The following MRPL34 variants were observed in gnomAD, a reference collection of about 807,000 sequenced individuals.
The protein encoded by MRPL34 is large ribosomal subunit protein bL34m.
MRPL34 carries 8 observed loss-of-function variants against 6.7 expected under a neutral mutation model. The observed-to-expected ratio is 1.20, with a 90% CI of 0.70 to 2.16. The LOEUF (loss-of-function observed/expected upper bound fraction) is 2.16, where lower values mean the gene tolerates loss of function less well. Among genes scored for constraint, MRPL34 ranks in the 30% most tolerant of loss-of-function variants. The probability of loss-of-function intolerance (pLI) is 0.00; values close to 1 mark genes in which losing one functional copy is unlikely to be tolerated. For missense variants in MRPL34, 146 were observed against 125.5 expected (o/e 1.16, Z -0.78); for synonymous variants, 59 against 55.1 (o/e 1.07, Z -0.31).
chr19:17,292,650 C>G (rs1460596462), exon 1 of MRPL34: 1 of 1,602,662 alleles, frequency 6.2e-7, no homozygotes, highest in Non-Finnish European at 8.5e-7. Flanking sequence ...GATGCCCCGC[C>G]GGCCCAGCGG....
chr19:17,294,491 G>A (rs746055933), intron 1 of MRPL34: 3 of 1,613,940 alleles, frequency 1.9e-6, no homozygotes, highest in Admixed American at 1.7e-5. Context: ...GCTCCTTGGC[G>A]GGCGAAGCCG....
upstream of MRPL34, chr19:17,301,698 G>A (rs141225960): frequency 9.3e-4 from 1,323 of 1,427,308 alleles, 7 homozygotes; most frequent in African/African-American, 0.013. Flanking sequence ...GGCACTCCCT[G>A]AGCCTTGGGA....
chr19:17,295,359 G>T (rs1308011172), intron 1 of MRPL34, among the ~76,000 whole-genome samples: 1 of 151,948 alleles, frequency 6.6e-6, no homozygotes, highest in African/African-American at 2.4e-5. Flanking sequence ...CATCCGCCTC[G>T]GCCTCCCAAA....
upstream of MRPL34, among the ~76,000 whole-genome samples, chr19:17,304,508 G>A (rs2074136807): frequency 1.3e-5 from 2 of 152,216 alleles, no homozygotes; most frequent in Non-Finnish European, 2.9e-5. Flanking sequence ...TTCGGAGGAC[G>A]AGGGGTTAAA....
chr19:17,305,758 T>G (rs573193044), upstream of MRPL34: 43 of 917,820 alleles, frequency 4.7e-5, 1 homozygote, highest in South Asian at 2.3e-4. Context: ...GAACTACAAC[T>G]TCAGGGTTTT....
intron 1 of MRPL34, chr19:17,294,580 A>C (rs1427846034): frequency 1.2e-6 from 2 of 1,608,926 alleles, no homozygotes; most frequent in African/African-American, 2.7e-5. Context: ...TGCCAGCCCT[A>C]GTCCCAGCGG....
chr19:17,304,405 T>C (rs1459030506), upstream of MRPL34, among the ~76,000 whole-genome samples: 1 of 152,226 alleles, frequency 6.6e-6, no homozygotes, highest in Non-Finnish European at 1.5e-5. Flanking sequence ...AAAGCACTCA[T>C]CATAGTGTCG....
chr19:17,295,301 T>G (rs1599522729), intron 1 of MRPL34, among the ~76,000 whole-genome samples: 1 of 151,972 alleles, frequency 6.6e-6, no homozygotes, highest in South Asian at 2.1e-4. Context: ...GAGATGGGGT[T>G]TCACCATGTT....
chr19:17,301,644 C>T (rs374747961), upstream of MRPL34: 7 of 1,518,326 alleles, frequency 4.6e-6, no homozygotes, highest in Middle Eastern at 4.0e-4. Flanking sequence ...AGGACAGCAG[C>T]CAGTTCAGGT....
exon 1 of MRPL34, chr19:17,292,723 G>C: frequency 3.1e-6 from 5 of 1,613,718 alleles, no homozygotes; most frequent in Non-Finnish European, 4.2e-6. Flanking sequence ...GAGGGCTCGG[G>C]CTCCCAGAGC....
chr19:17,297,710 T>C (rs2074098901), intron 1 of MRPL34: 1 of 151,838 alleles, frequency 6.6e-6, no homozygotes, highest in Admixed American at 6.6e-5. Context: ...ATTCCTTTCT[T>C]TTAGATACTT....
chr19:17,303,501 T>G (rs924308552), upstream of MRPL34: 1 of 152,290 alleles, frequency 6.6e-6, no homozygotes. Flanking sequence ...CGGACTGACC[T>G]GGCCTAGTTA....
chr19:17,295,762 C>A (rs1448812495), intron 1 of MRPL34, among the ~76,000 whole-genome samples: 2 of 152,128 alleles, frequency 1.3e-5, no homozygotes, highest in Non-Finnish European at 2.9e-5. Flanking sequence ...TGGAGTGGTG[C>A]GGTGGCGTAA....
intron 1 of MRPL34, chr19:17,294,523 C>T (rs1292447995): frequency 1.2e-5 from 19 of 1,613,488 alleles, no homozygotes; most frequent in Non-Finnish European, 1.6e-5. Context: ...GGTGGAGGCA[C>T]CGCTAGAGCC....
upstream of MRPL34, among the ~76,000 whole-genome samples, chr19:17,305,061 G>A (rs934194262): frequency 2.6e-5 from 4 of 152,044 alleles, no homozygotes; most frequent in Admixed American, 2.0e-4. Context: ...ATTTTTAAAG[G>A]GCGGATAGGG....
At chr19:17,292,607 G>T, upstream of MRPL34, 2 of 1,537,546 alleles carry the variant, frequency 1.3e-6, no homozygotes, top group Non-Finnish European at 8.8e-7. Context: ...CGCAGGCTCG[G>T]GCCTCCTCCT....
chr19:17,301,376 G>T, upstream of MRPL34: 1 of 1,611,176 alleles, frequency 6.2e-7, no homozygotes. Context: ...ACGGTGATCC[G>T]GCGCTGACAG....
chr19:17,301,647 G>C (rs767457257), upstream of MRPL34: 2 of 1,513,832 alleles, frequency 1.3e-6, no homozygotes, highest in South Asian at 2.6e-5. Flanking sequence ...ACAGCAGCCA[G>C]TTCAGGTGCT....
At chr19:17,294,184 AAG>A (rs948329004) in intron 1 of MRPL34, 71 of 1,390,652 alleles carry the variant, frequency 5.1e-5, no homozygotes, top group African/African-American at 1.9e-4. Context: ...CTCGGGAAGA[AAG>A]CACGCCCACC....
Sources: gnomAD v4.1 joint callset for allele counts (sites outside exome capture counted in the v4.1 genomes callset) on GRCh38, gnomAD v4.1.1 for gene constraint, MANE v1.5 for transcripts, NCBI Gene and HGNC (gene_info 2026-07-23, HGNC 2026-07-21) for gene names.